The following KLF12 variants were observed in gnomAD, a reference collection of about 807,000 sequenced individuals.
The protein encoded by KLF12 is Krueppel-like factor 12.
Under a neutral mutation model 37.8 loss-of-function variants are expected in KLF12, and 9 were observed. The ratio of observed to expected loss-of-function variants is 0.24; its 90% CI spans 0.14 to 0.42. The LOEUF (loss-of-function observed/expected upper bound fraction) is 0.42, where lower values mean the gene tolerates loss of function less well. Among genes scored for constraint, KLF12 ranks in the 10% least tolerant of loss-of-function variants. The pLI, the probability that KLF12 is intolerant of heterozygous loss-of-function variation, is 1.00. For missense variants in KLF12, 411 were observed against 516.0 expected, an observed-to-expected ratio of 0.80 and a Z score of 1.97; for synonymous variants, 208 against 202.1, an observed-to-expected ratio of 1.03 and a Z score of -0.25.
At chr13:73,847,486 T>C (rs895484322) in intron 3 of KLF12, among the ~76,000 whole-genome samples, 3 of 152,148 alleles carry the variant, frequency 2.0e-5, no homozygotes, top group Non-Finnish European at 4.4e-5. Context: ...ACATGTTTCC[T>C]AAAGCCTTTT....
At chr13:73,810,471 T>C (rs1225058682) in intron 5 of KLF12, among the ~76,000 whole-genome samples, 1 of 152,166 alleles carries the variant, frequency 6.6e-6, no homozygotes, top group Non-Finnish European at 1.5e-5. Flanking sequence ...TATTTGTTTA[T>C]TTAGGCCAGG....
chr13:74,136,439 A>G (rs1878557834), upstream of KLF12, among the ~76,000 whole-genome samples: 1 of 152,226 alleles, frequency 6.6e-6, no homozygotes, highest in African/African-American at 2.4e-5. Flanking sequence ...CTCTACTAGA[A>G]TCACTGTGAA....
At chr13:73,937,115 G>A (rs796189724) in intron 3 of KLF12, among the ~76,000 whole-genome samples, 3 of 152,102 alleles carry the variant, frequency 2.0e-5, no homozygotes, top group Non-Finnish European at 2.9e-5. Context: ...GCTTGAACCC[G>A]GGAGGTGGAG....
upstream of KLF12, among the ~76,000 whole-genome samples, chr13:74,134,035 C>T (rs1256914213): frequency 6.6e-6 from 1 of 152,018 alleles, no homozygotes; most frequent in Non-Finnish European, 1.5e-5. Context: ...AGTTGCGAGC[C>T]CCGGTCTAGT....
chr13:73,835,720 G>A (rs529647043), intron 4 of KLF12, among the ~76,000 whole-genome samples: 20 of 152,202 alleles, frequency 1.3e-4, no homozygotes, highest in African/African-American at 4.1e-4. Flanking sequence ...CCCCCTGCCC[G>A]CAGTACCACA....
At chr13:74,296,282 C>A in the KLF12 span, among the ~76,000 whole-genome samples, 3 of 152,012 alleles carry the variant, frequency 2.0e-5, no homozygotes, top group East Asian at 3.9e-4. Flanking sequence ...AGTTAAGTAG[C>A]CTTGCATAGT....
chr13:74,069,096 GT>G (rs1874080436), intron 1 of KLF12, among the ~76,000 whole-genome samples: 9 of 152,292 alleles, frequency 5.9e-5, no homozygotes, highest in African/African-American at 2.2e-4. Context: ...CTAACAAACA[GT>G]AGCTATTCAT....
intron 1 of KLF12, among the ~76,000 whole-genome samples, chr13:74,088,241 C>T (rs1244992673): frequency 6.6e-6 from 1 of 151,980 alleles, no homozygotes; most frequent in Non-Finnish European, 1.5e-5. Context: ...ACCATAGAAA[C>T]TATTACACTG....
At chr13:74,079,010 T>C (rs1385805229) in intron 1 of KLF12, among the ~76,000 whole-genome samples, 1 of 152,202 alleles carries the variant, frequency 6.6e-6, no homozygotes, top group East Asian at 1.9e-4. Flanking sequence ...TGGGAGAGAA[T>C]ATGCCTGCAT....
intron 1 of KLF12, among the ~76,000 whole-genome samples, chr13:74,045,240 G>A (rs563219974): frequency 6.6e-6 from 1 of 152,296 alleles, no homozygotes; most frequent in African/African-American, 2.4e-5. Flanking sequence ...ATGTCAGTAT[G>A]GAGATGATAA....
intron 1 of KLF12, among the ~76,000 whole-genome samples, chr13:74,102,745 G>A (rs1449765626): frequency 6.6e-6 from 1 of 151,924 alleles, no homozygotes. Context: ...TCATCCTACA[G>A]CAGGATCTCA....
At chr13:73,712,418 A>G (rs1263891220) in intron 7 of KLF12, among the ~76,000 whole-genome samples, 1 of 151,856 alleles carries the variant, frequency 6.6e-6, no homozygotes, top group Non-Finnish European at 1.5e-5. Context: ...ATAAAACTTG[A>G]ATGAATGAGG....
chr13:74,171,005 T>A, the KLF12 span, among the ~76,000 whole-genome samples: 1 of 152,178 alleles, frequency 6.6e-6, no homozygotes, highest in Non-Finnish European at 1.5e-5. Context: ...CCTCAGGTGA[T>A]CTTCCTGCCT....
At chr13:74,203,404 A>G in the KLF12 span, among the ~76,000 whole-genome samples, 6 of 152,128 alleles carry the variant, frequency 3.9e-5, no homozygotes, top group Non-Finnish European at 8.8e-5. Flanking sequence ...TCATCTCATC[A>G]GATTTGTAAA....
the KLF12 span, among the ~76,000 whole-genome samples, chr13:74,140,650 T>TTTCTTCAACC: frequency 2.6e-5 from 4 of 151,994 alleles, no homozygotes; most frequent in Admixed American, 6.6e-5. Context: ...AAGATTGAAC[T>TTTCTTCAACC]CTAGGAATAT....
At chr13:74,129,620 T>C (rs908405672) in intron 1 of KLF12, among the ~76,000 whole-genome samples, 2 of 151,426 alleles carry the variant, frequency 1.3e-5, no homozygotes, top group African/African-American at 4.9e-5. Flanking sequence ...GTCTAATTAT[T>C]ACACTAATAA....
the KLF12 span, among the ~76,000 whole-genome samples, chr13:74,230,724 G>T: frequency 6.6e-6 from 1 of 152,250 alleles, no homozygotes; most frequent in East Asian, 1.9e-4. Context: ...ACAGAATTCT[G>T]TGCATGCACG....
the KLF12 span, among the ~76,000 whole-genome samples, chr13:74,168,592 G>C: frequency 6.6e-6 from 1 of 152,140 alleles, no homozygotes. Flanking sequence ...GAAAAGGCTG[G>C]GTTATATTCA....
At chr13:74,002,843 C>G (rs370578811) in intron 1 of KLF12, among the ~76,000 whole-genome samples, 5 of 152,188 alleles carry the variant, frequency 3.3e-5, no homozygotes, top group African/African-American at 1.2e-4. Context: ...CACACATGAA[C>G]TGCCTATATG....
Sources: gnomAD v4.1 joint callset for allele counts (sites outside exome capture counted in the v4.1 genomes callset) on GRCh38, gnomAD v4.1.1 for gene constraint, MANE v1.5 for transcripts, NCBI Gene and HGNC (gene_info 2026-07-23, HGNC 2026-07-21) for gene names.